SAMD4A: variants seen among roughly 807,000 people sequenced by gnomAD.
The protein encoded by SAMD4A is protein Smaug homolog 1.
In SAMD4A, 33 loss-of-function variants were observed where a neutral mutation model predicts 81.3. That is an observed-to-expected ratio of 0.41 (90% CI 0.31 to 0.54). The LOEUF (loss-of-function observed/expected upper bound fraction) is 0.54. Among genes scored for constraint, SAMD4A ranks in the 20% least tolerant of loss-of-function variants. SAMD4A has a pLI of 0.37. For missense variants in SAMD4A, 854 were observed against 951.1 expected, an observed-to-expected ratio of 0.90 and a Z score of 1.34; for synonymous variants, 389 against 382.1, an observed-to-expected ratio of 1.02 and a Z score of -0.21.
chr14:54,582,493 C>T (rs1268125465), intron 2 of SAMD4A, among the ~76,000 whole-genome samples: 3 of 152,170 alleles, frequency 2.0e-5, no homozygotes, highest in African/African-American at 4.8e-5. Context: ...AGCTCCCACA[C>T]GGCATCTGCA....
Position 54,738,701 on chromosome 14 carries a change from C to T in SAMD4A, c.979+1414C>T, listed in dbSNP as rs116468439. Among the ~76,000 whole-genome samples, 934 of 152,270 alleles carry T rather than the reference C, an allele frequency of 6.1e-3. 10 individuals are homozygous for T. The highest frequency in any genetic ancestry group is 0.021 in the African/African-American group (887 of 41,528). On this transcript the variant is annotated intron_variant, in intron 4 of 12. Transcript: ENST00000554335. ...GGTTATGTGTTTAAGCAGCTGAGCC[C>T]CAGGTGATGCGTAGCAGGTGAGGCT...
At position 54,711,594 on chromosome 14, in the gene SAMD4A, C is replaced by T. The variant is rs187125128; in HGVS notation, c.715+9014C>T. On this transcript the variant is annotated intron_variant, in intron 3 of 12. Transcript: ENST00000554335. ...GCAATTTCTTGTAAATCTATAATTA[C>T]GTCAAAATTAAAAGTTAAAAAACAA... 3.3e-5 allele frequency among the ~76,000 whole-genome samples: 5 copies of T among 152,108 alleles called. No homozygotes were observed. In the East Asian group the frequency reaches 7.7e-4, roughly 24 times the overall value.
At chr14:54,774,331 C>T (rs9323270) in intron 9 of SAMD4A, among the ~76,000 whole-genome samples, 2 of 152,048 alleles carry the variant, frequency 1.3e-5, no homozygotes, top group South Asian at 4.1e-4. Flanking sequence ...CATGTGATAC[C>T]GCCTCTCAGA....
intron 5 of SAMD4A, among the ~76,000 whole-genome samples, chr14:54,749,223 C>A (rs1460442709): frequency 6.6e-6 from 1 of 152,168 alleles, no homozygotes; most frequent in African/African-American, 2.4e-5. Context: ...AGGGAGGAAT[C>A]GGTGGATTTT....
intron 11 of SAMD4A, 49 bp downstream of exon 11, chr14:54,776,589 TA>T: frequency 1.4e-6 from 2 of 1,459,658 alleles, no homozygotes; most frequent in South Asian, 2.9e-5. Context: ...GAGGCCAAAA[TA>T]GATGCCCTAG....
intron 9 of SAMD4A, among the ~76,000 whole-genome samples, chr14:54,772,090 G>A (rs1183679660): frequency 6.6e-6 from 1 of 152,166 alleles, no homozygotes; most frequent in Non-Finnish European, 1.5e-5. Context: ...GGATCTTTTT[G>A]TGCTATTAAT....
chr14:54,590,862 G>A (rs372454157), intron 2 of SAMD4A, among the ~76,000 whole-genome samples: 7 of 152,314 alleles, frequency 4.6e-5, no homozygotes, highest in African/African-American at 1.4e-4. Flanking sequence ...GTTCAAGGGT[G>A]CTTTTATTAT....
chr14:54,709,410 A>C (rs1287961815), intron 3 of SAMD4A, among the ~76,000 whole-genome samples: 2 of 151,898 alleles, frequency 1.3e-5, no homozygotes, highest in Non-Finnish European at 2.9e-5. Flanking sequence ...TCTAATGAGA[A>C]TCTACGTATT....
chr14:54,759,494 C>T (rs1252101996), intron 6 of SAMD4A, among the ~76,000 whole-genome samples: 5 of 152,198 alleles, frequency 3.3e-5, no homozygotes, highest in South Asian at 2.1e-4. Context: ...ATAGCAGCCC[C>T]GACCCGTACC....
intron 2 of SAMD4A, among the ~76,000 whole-genome samples, chr14:54,670,333 G>T (rs1049018970): frequency 1.3e-5 from 2 of 152,214 alleles, no homozygotes; most frequent in African/African-American, 4.8e-5. Flanking sequence ...TGTAAGGGTA[G>T]CTTTTCACAT....
At chr14:54,731,208 C>G (rs1158866563) in intron 3 of SAMD4A, among the ~76,000 whole-genome samples, 3 of 152,172 alleles carry the variant, frequency 2.0e-5, no homozygotes, top group Non-Finnish European at 2.9e-5. Flanking sequence ...GTGGGCTGAG[C>G]TTTTTCTTCT....
At chr14:54,572,496 GTTTCCA>G (rs2033158332) in intron 2 of SAMD4A, among the ~76,000 whole-genome samples, 1 of 152,240 alleles carries the variant, frequency 6.6e-6, no homozygotes, top group Non-Finnish European at 1.5e-5. Context: ...AGTTCAGACA[GTTTCCA>G]TTTTGGCCAC....
intron 2 of SAMD4A, among the ~76,000 whole-genome samples, chr14:54,574,020 T>C (rs891092822): frequency 1.3e-5 from 2 of 152,222 alleles, no homozygotes; most frequent in African/African-American, 4.8e-5. Context: ...GTGGTTTCTT[T>C]TACACAGTAG....
In SAMD4A at chr14:54,567,878, G is replaced by C; in HGVS notation, c.-39G>C. On this transcript the variant is annotated 5_prime_UTR_variant, in exon 2 of 13. Transcript: ENST00000554335. ...TGGGGCGGGCGGGGCGGGCTGGGGC[G>C]CCCAGGGGGCTCTGTAGACCGAGGG... 1.3e-6 allele frequency: 2 copies of C among 1,578,860 alleles called. No individual in the cohort carries two copies. Among genetic ancestry groups the C allele is most frequent in the Non-Finnish European group, 8.5e-7 (1 of 1,170,234 alleles).
At chr14:54,686,057 T>C (rs1382767061) in intron 2 of SAMD4A, among the ~76,000 whole-genome samples, 3 of 152,202 alleles carry the variant, frequency 2.0e-5, no homozygotes, top group Non-Finnish European at 4.4e-5. Flanking sequence ...TCTTGTACTC[T>C]AGCTTCCTGG....
intron 2 of SAMD4A, among the ~76,000 whole-genome samples, chr14:54,669,094 G>A (rs1263971669): frequency 1.3e-5 from 2 of 152,210 alleles, no homozygotes; most frequent in African/African-American, 2.4e-5. Context: ...GCCATTCGTG[G>A]GAGAAGGAGG....
chr14:54,614,124 T>C (rs1389225489), intron 2 of SAMD4A, among the ~76,000 whole-genome samples: 1 of 152,212 alleles, frequency 6.6e-6, no homozygotes, highest in Non-Finnish European at 1.5e-5. Context: ...GAAGGAGATA[T>C]GAGAATCTAG....
chr14:54,634,180 G>A (rs1031800293), intron 2 of SAMD4A, among the ~76,000 whole-genome samples: 6 of 151,220 alleles, frequency 4.0e-5, no homozygotes, highest in African/African-American at 1.5e-4. Flanking sequence ...CAGCTACTCG[G>A]GAGGCTGAGG....
intron 3 of SAMD4A, among the ~76,000 whole-genome samples, chr14:54,729,636 G>C (rs997641076): frequency 6.6e-6 from 1 of 152,188 alleles, no homozygotes. Flanking sequence ...TATAATGGTA[G>C]ATACAAAAAG....
Sources: gnomAD v4.1 joint callset for allele counts (sites outside exome capture counted in the v4.1 genomes callset) on GRCh38, gnomAD v4.1.1 for gene constraint, MANE v1.5 for transcripts, NCBI Gene and HGNC (gene_info 2026-07-23, HGNC 2026-07-21) for gene names.